The following ZNF407 variants were observed in gnomAD, a reference collection of about 807,000 sequenced individuals.
ZNF407 encodes the protein zinc finger protein 407.
ZNF407 carries 17 observed loss-of-function variants against 131.2 expected under a neutral mutation model. The observed-to-expected ratio is 0.13, with a 90% CI of 0.09 to 0.19. The LOEUF (loss-of-function observed/expected upper bound fraction) is 0.19. Ranked by LOEUF, ZNF407 falls within the 10% of genes least tolerant of loss-of-function variation. ZNF407 has a pLI of 1.00. For missense variants in ZNF407, 2,681 were observed against 2,830.6 expected (o/e 0.95, Z 1.20); for synonymous variants, 1,156 against 1,062.0 (o/e 1.09, Z -1.72).
intron 3 of ZNF407, among the ~76,000 whole-genome samples, chr18:74,731,485 CTTAGAGTGAAATTT>C (rs1321676582): frequency 6.6e-6 from 1 of 152,112 alleles, no homozygotes; most frequent in East Asian, 1.9e-4. Flanking sequence ...ATCCTCATTT[CTTAGAGTGAAATTT>C]CTAAGCCTGT....
intron 1 of ZNF407, among the ~76,000 whole-genome samples, chr18:74,617,297 T>C (rs1389200408): frequency 6.6e-6 from 1 of 152,212 alleles, no homozygotes; most frequent in African/African-American, 2.4e-5. Context: ...ATTTTTCTCT[T>C]ACGTGACTGT....
In ZNF407 at chr18:74,913,448, G is replaced by A. The variant is rs560574317; in HGVS notation, c.5250-7066G>A. ...AAGCGTGCCCTTCGGTGTTCGATAC[G>A]GCGAGGCCCCATGCTGTGCTGTTCC... On this transcript the variant is annotated intron_variant, in intron 7 of 8. Coordinates refer to ENST00000299687, the MANE Select transcript of ZNF407 (RefSeq NM_017757.3). Among the ~76,000 whole-genome samples, 22 of 152,256 alleles carry A rather than the reference G, an allele frequency of 1.4e-4. 1 individual carries two copies. The highest frequency in any genetic ancestry group is 2.4e-4 in the Non-Finnish European group (16 of 68,034).
chr18:74,656,122 TG>T (rs1466651516), intron 3 of ZNF407, among the ~76,000 whole-genome samples: 1 of 152,136 alleles, frequency 6.6e-6, no homozygotes, highest in African/African-American at 2.4e-5. Context: ...GATTAGGAAA[TG>T]GGCCACAATT....
At chr18:74,786,791 ATG>A (rs1568215395) in intron 4 of ZNF407, among the ~76,000 whole-genome samples, 8 of 77,712 alleles carry the variant, frequency 1.0e-4, no homozygotes, top group Non-Finnish European at 1.0e-4. Context: ...GTAAAAAAGT[ATG>A]TTTTTTTTTT....
intron 3 of ZNF407, among the ~76,000 whole-genome samples, chr18:74,777,996 C>T (rs1969509895): frequency 6.6e-6 from 1 of 152,054 alleles, no homozygotes; most frequent in Non-Finnish European, 1.5e-5. Context: ...GTGTGAGGAT[C>T]CCTTGAACCT....
At chr18:74,926,541 C>T (rs778053282) in intron 8 of ZNF407, among the ~76,000 whole-genome samples, 18 of 152,188 alleles carry the variant, frequency 1.2e-4, no homozygotes, top group Non-Finnish European at 2.1e-4. Flanking sequence ...TGGTGGCTCA[C>T]GCCTGTAATC....
intron 8 of ZNF407, among the ~76,000 whole-genome samples, chr18:74,953,088 T>C (rs759933286): frequency 1.3e-5 from 2 of 151,082 alleles, no homozygotes; most frequent in Admixed American, 6.6e-5. Context: ...CCTACGTTGA[T>C]TTGTTTTTTG....
At chr18:74,921,937 G>T (rs557829452) in intron 8 of ZNF407, among the ~76,000 whole-genome samples, 4 of 152,200 alleles carry the variant, frequency 2.6e-5, no homozygotes, top group African/African-American at 9.7e-5. Flanking sequence ...TAATACACTT[G>T]ACAATACGTG....
chr18:74,718,256 G>A (rs974111486), intron 3 of ZNF407, among the ~76,000 whole-genome samples: 4 of 149,966 alleles, frequency 2.7e-5, no homozygotes, highest in Non-Finnish European at 4.4e-5. Context: ...ATTACTTTTC[G>A]TCACTGTTAA....
chr18:74,613,393 C>G (rs1983148184), intron 1 of ZNF407, among the ~76,000 whole-genome samples: 1 of 152,186 alleles, frequency 6.6e-6, no homozygotes, highest in South Asian at 2.1e-4. Flanking sequence ...AAAGATGACT[C>G]TAGAAGTCAA....
intron 8 of ZNF407, among the ~76,000 whole-genome samples, chr18:75,027,288 A>G (rs935048216): frequency 1.3e-5 from 2 of 152,256 alleles, no homozygotes; most frequent in African/African-American, 4.8e-5. Flanking sequence ...TGCATAGGCA[A>G]TGGGAAGAGC....
At chr18:74,636,014 T>A (rs2144679066) in intron 2 of ZNF407, among the ~76,000 whole-genome samples, 1 of 152,340 alleles carries the variant, frequency 6.6e-6, no homozygotes, top group Admixed American at 6.5e-5. Flanking sequence ...TTCTGAGTCC[T>A]AATTATTTGA....
chr18:74,640,865 T>C (rs1355596729), intron 2 of ZNF407, 143 bp from the exon 3 acceptor site: 8 of 628,194 alleles, frequency 1.3e-5, no homozygotes, highest in Non-Finnish European at 2.3e-5. Flanking sequence ...CTATTCAAGT[T>C]ATAAATGAAT....
intron 3 of ZNF407, among the ~76,000 whole-genome samples, chr18:74,743,131 C>T (rs569148562): frequency 1.4e-4 from 21 of 152,052 alleles, no homozygotes; most frequent in Non-Finnish European, 2.8e-4. Context: ...GACTAGTGTT[C>T]TGTTAACCAA....
chr18:74,729,579 G>A (rs12454229), intron 3 of ZNF407, among the ~76,000 whole-genome samples: 126,183 of 151,952 alleles, frequency 0.83, 52,442 homozygotes, highest in South Asian at 0.88. Flanking sequence ...TGTGAGGAGC[G>A]CTCAGCATAT....
chr18:74,614,584 G>C (rs1599130802), intron 1 of ZNF407, among the ~76,000 whole-genome samples: 1 of 152,106 alleles, frequency 6.6e-6, no homozygotes, highest in East Asian at 1.9e-4. Flanking sequence ...TTAGTCCAGT[G>C]GTTCCCAAAA....
Position 74,755,885 on chromosome 18 carries a change from C to CTTTT in ZNF407, c.4803-25520_4803-25517dup, listed in dbSNP as rs34750560. Among the ~76,000 whole-genome samples the CTTTT allele has an allele frequency of 3.6e-3, 93 of 25,834 alleles. 34 individuals carry two copies. Among genetic ancestry groups the CTTTT allele is most frequent in the East Asian group, 5.6e-3 (5 of 886 alleles). 16.9% of individuals were successfully genotyped at this position (25,834 alleles called of 152,430 possible). ...CCTTCCTTCCTTCCTCTTTTCCTTC[C>CTTTT]TTTTTTTTTTTTTTTTTTTTTTTTT... On this transcript the variant is annotated intron_variant, in intron 3 of 8. Coordinates refer to ENST00000299687, the MANE Select transcript of ZNF407 (RefSeq NM_017757.3).
chr18:74,690,248 C>T (rs1568168048), intron 3 of ZNF407, among the ~76,000 whole-genome samples: 1 of 151,924 alleles, frequency 6.6e-6, no homozygotes, highest in Non-Finnish European at 1.5e-5. Context: ...AATAAAGGAC[C>T]CTATGGAAGA....
intron 8 of ZNF407, among the ~76,000 whole-genome samples, chr18:74,925,505 C>A (rs147609122): frequency 1.3e-5 from 2 of 152,286 alleles, no homozygotes; most frequent in Admixed American, 6.5e-5. Context: ...AAATTTCCTA[C>A]ATAAAAAAAT....
Sources: gnomAD v4.1 joint callset for allele counts (sites outside exome capture counted in the v4.1 genomes callset) on GRCh38, gnomAD v4.1.1 for gene constraint, MANE v1.5 for transcripts, NCBI Gene and HGNC (gene_info 2026-07-23, HGNC 2026-07-21) for gene names.